FLT1: variants seen among roughly 807,000 people sequenced by gnomAD.
FLT1 encodes the protein fms related receptor tyrosine kinase 1, also known as vascular endothelial growth factor receptor 1.
In FLT1, 49 loss-of-function variants were observed where a neutral mutation model predicts 156.3. The observed-to-expected ratio is 0.31, with a 90% CI of 0.25 to 0.40. FLT1 has a LOEUF of 0.40. FLT1 is among the 10% of genes least tolerant of loss of function. The pLI is 1.00. For synonymous variants in FLT1, 594 were observed against 583.8 expected (o/e 1.02, Z -0.25); for missense variants, 1,322 against 1,637.2 (o/e 0.81, Z 3.32).
At chr13:28,326,571 G>C (rs1198322810) in intron 20 of FLT1, among the ~76,000 whole-genome samples, 2 of 138,688 alleles carry the variant, frequency 1.4e-5, no homozygotes, top group Non-Finnish European at 3.0e-5. Flanking sequence ...TGTTGCCCAG[G>C]CTGGAGTGTA....
chr13:28,357,743 C>T, intron 14 of FLT1, 58 bp from the exon 15 acceptor site: 1 of 1,493,258 alleles, frequency 6.7e-7, no homozygotes, highest in South Asian at 1.1e-5. Context: ...AAAACAGCTA[C>T]TTCTGTAACA....
intron 12 of FLT1, among the ~76,000 whole-genome samples, 168 bp from the exon 13 acceptor site, chr13:28,390,272 GTT>G (rs1346948374): frequency 6.6e-6 from 1 of 152,222 alleles, no homozygotes; most frequent in Non-Finnish European, 1.5e-5. Flanking sequence ...AATCAACTAA[GTT>G]CATTCCATCA....
chr13:28,438,096 C>G, intron 4 of FLT1, 125 bp downstream of exon 4: 1 of 872,062 alleles, frequency 1.1e-6, no homozygotes, highest in Non-Finnish European at 1.9e-6. Flanking sequence ...AAGGATGTTA[C>G]AGGAAAGTCC....
chr13:28,365,745 AT>A (rs1326924769), intron 14 of FLT1, among the ~76,000 whole-genome samples: 1 of 152,192 alleles, frequency 6.6e-6, no homozygotes, highest in Non-Finnish European at 1.5e-5. Flanking sequence ...AGCCTAAGTC[AT>A]TACCATGTGC....
At chr13:28,381,040 C>T (rs1874060484) in intron 14 of FLT1, among the ~76,000 whole-genome samples, 1 of 152,128 alleles carries the variant, frequency 6.6e-6, no homozygotes, top group African/African-American at 2.4e-5. Context: ...TCTTTTTTTG[C>T]ATGTGGTAGC....
chr13:28,427,014 C>T (rs1877380928), intron 10 of FLT1, 145 bp downstream of exon 10: 1 of 763,576 alleles, frequency 1.3e-6, no homozygotes, highest in South Asian at 1.5e-5. Flanking sequence ...TAGCTGTTGC[C>T]CACCTTTTTC....
At chr13:28,368,563 T>C in intron 14 of FLT1, 3 of 1,521,408 alleles carry the variant, frequency 2.0e-6, no homozygotes, top group Non-Finnish European at 2.7e-6. Flanking sequence ...ATGATGATGA[T>C]GATAATGATG....
chr13:28,396,930 C>T, intron 12 of FLT1, 30 bp downstream of exon 12: 1 of 1,231,596 alleles, frequency 8.1e-7, no homozygotes, highest in Non-Finnish European at 1.2e-6. Flanking sequence ...AGTCACCAGG[C>T]TGTCTCTGGT....
intron 24 of FLT1, among the ~76,000 whole-genome samples, chr13:28,318,527 A>G (rs1871298099): frequency 6.6e-6 from 1 of 152,088 alleles, no homozygotes; most frequent in Non-Finnish European, 1.5e-5. Context: ...TGCATTTTCT[A>G]GTGATTACTG....
At chr13:28,412,996 G>T (rs1876405429) in intron 10 of FLT1, among the ~76,000 whole-genome samples, 1 of 152,132 alleles carries the variant, frequency 6.6e-6, no homozygotes, top group Non-Finnish European at 1.5e-5. Flanking sequence ...CCTTCAGGGT[G>T]GTCACAGGGT....
intron 10 of FLT1, among the ~76,000 whole-genome samples, chr13:28,422,758 T>C (rs529804915): frequency 2.8e-4 from 43 of 152,230 alleles, no homozygotes; most frequent in African/African-American, 7.7e-4. Context: ...GTCTCCTTGG[T>C]ATTCAAGCAC....
chr13:28,346,526 C>T (rs1872572302), intron 15 of FLT1, among the ~76,000 whole-genome samples: 1 of 149,988 alleles, frequency 6.7e-6, no homozygotes, highest in African/African-American at 2.5e-5. Context: ...TTGAGACCAG[C>T]CTGGGCAACA....
chr13:28,453,121 C>T (rs1417999132), intron 3 of FLT1, among the ~76,000 whole-genome samples: 1 of 102,738 alleles, frequency 9.7e-6, no homozygotes, highest in African/African-American at 3.8e-5. Flanking sequence ...CCTTTCCTTT[C>T]CTTTCCTTTC....
intron 19 of FLT1, among the ~76,000 whole-genome samples, chr13:28,328,780 G>C (rs1403748168): frequency 6.6e-6 from 1 of 152,244 alleles, no homozygotes; most frequent in Admixed American, 6.5e-5. Context: ...ATGAGGGTAA[G>C]CTGTCTCATT....
intron 1 of FLT1, among the ~76,000 whole-genome samples, chr13:28,482,910 A>C (rs951299239): frequency 1.3e-5 from 2 of 152,236 alleles, no homozygotes; most frequent in African/African-American, 2.4e-5. Flanking sequence ...TTGAAGACAG[A>C]GGATGGGATG....
intron 14 of FLT1, among the ~76,000 whole-genome samples, chr13:28,375,500 T>G (rs964414228): frequency 6.6e-6 from 1 of 152,210 alleles, no homozygotes; most frequent in African/African-American, 2.4e-5. Context: ...TTTCGCATGC[T>G]GTTACCCCAC....
At chr13:28,334,186 C>CT in intron 17 of FLT1, 57 bp from the exon 18 acceptor site, 1 of 1,138,976 alleles carries the variant, frequency 8.8e-7, no homozygotes, top group Non-Finnish European at 1.3e-6. Context: ...GAGTTTAAGT[C>CT]TTTTTCAGGA....
intron 1 of FLT1, among the ~76,000 whole-genome samples, chr13:28,477,364 C>G (rs1464841107): frequency 1.3e-5 from 2 of 152,126 alleles, no homozygotes; most frequent in African/African-American, 2.4e-5. Context: ...AAGGAGTTAC[C>G]TTTTCCCAAA....
chr13:28,307,841 G>A (rs1293410888), intron 28 of FLT1, among the ~76,000 whole-genome samples: 3 of 151,290 alleles, frequency 2.0e-5, no homozygotes, highest in South Asian at 2.1e-4. Context: ...GCGCGATCTC[G>A]GCTCACTGCA....
Sources: allele counts gnomAD v4.1 joint callset (sites outside exome capture counted in the v4.1 genomes callset), GRCh38; gene constraint gnomAD v4.1.1; transcripts MANE v1.5; gene names NCBI Gene and HGNC (gene_info 2026-07-23, HGNC 2026-07-21).